The following CAP2 variants were observed in gnomAD, a reference collection of about 807,000 sequenced individuals.
CAP2 encodes the protein adenylyl cyclase-associated protein 2.
Under a neutral mutation model 57.7 loss-of-function variants are expected in CAP2, and 24 were observed. The observed-to-expected ratio is 0.42, with a 90% CI of 0.30 to 0.58. The LOEUF (loss-of-function observed/expected upper bound fraction) is 0.58. Ranked by LOEUF, CAP2 falls within the 20% of genes least tolerant of loss-of-function variation. CAP2 has a pLI of 0.22. For missense variants in CAP2, 501 were observed against 590.3 expected, an observed-to-expected ratio of 0.85 and a Z score of 1.57; for synonymous variants, 194 against 207.2, an observed-to-expected ratio of 0.94 and a Z score of 0.55.
At chr6:17,461,737 G>A (rs12213942) in intron 3 of CAP2, among the ~76,000 whole-genome samples, 92,043 of 150,210 alleles carry the variant, frequency 0.61, 28,951 homozygotes, top group East Asian at 0.86. Context: ...TCACACCTGT[G>A]ATCCCAGCAC....
chr6:17,548,849 GA>G (rs2113709112), intron 11 of CAP2, among the ~76,000 whole-genome samples: 1 of 152,108 alleles, frequency 6.6e-6, no homozygotes, highest in Admixed American at 6.6e-5. Flanking sequence ...ATCCATGTGG[GA>G]AAAAAATACA....
chr6:17,469,949 T>C (rs565702245), intron 4 of CAP2, among the ~76,000 whole-genome samples: 1 of 152,340 alleles, frequency 6.6e-6, no homozygotes, highest in South Asian at 2.1e-4. Context: ...ATCTTAGGAC[T>C]TAAGCTAATT....
At chr6:17,426,865 G>T (rs1432740604) in intron 3 of CAP2, among the ~76,000 whole-genome samples, 175 bp downstream of exon 3, 2 of 152,190 alleles carry the variant, frequency 1.3e-5, no homozygotes, top group African/African-American at 4.8e-5. Context: ...TTCCTGCAAG[G>T]CCTATGGATA....
chr6:17,458,028 G>A (rs1255316885), intron 3 of CAP2, among the ~76,000 whole-genome samples: 1 of 152,140 alleles, frequency 6.6e-6, no homozygotes, highest in East Asian at 1.9e-4. Flanking sequence ...TTTATTTATA[G>A]CCAAGCTGTG....
intron 3 of CAP2, among the ~76,000 whole-genome samples, chr6:17,432,965 CCCCT>C (rs1373264557): frequency 7.6e-5 from 11 of 144,600 alleles, no homozygotes; most frequent in African/African-American, 2.9e-4. Context: ...CCCTCTCTCC[CCCCT>C]CCCTCCCTCT....
At chr6:17,418,899 T>C (rs1482765606) in intron 1 of CAP2, among the ~76,000 whole-genome samples, 1 of 152,128 alleles carries the variant, frequency 6.6e-6, no homozygotes, top group Non-Finnish European at 1.5e-5. Flanking sequence ...TCAATTGCGA[T>C]GGAAGCACAA....
intron 2 of CAP2, among the ~76,000 whole-genome samples, chr6:17,424,312 A>G (rs1035536628): frequency 4.6e-5 from 7 of 152,170 alleles, no homozygotes; most frequent in Non-Finnish European, 8.8e-5. Context: ...AGGCAGGAAA[A>G]TGGCGTGAAC....
chr6:17,463,442 A>G (rs1267602259), intron 4 of CAP2, among the ~76,000 whole-genome samples: 2 of 152,208 alleles, frequency 1.3e-5, no homozygotes, highest in Non-Finnish European at 2.9e-5. Flanking sequence ...CAACCTTTTT[A>G]TAATCAAGGA....
At chr6:17,397,627 G>A (rs1334478828) in intron 1 of CAP2, among the ~76,000 whole-genome samples, 7 of 151,234 alleles carry the variant, frequency 4.6e-5, no homozygotes, top group Admixed American at 2.6e-4. Flanking sequence ...CCCGGGAGGC[G>A]GGGCTTGCAG....
rs763519982 is a variant in CAP2, at chr6:17,468,420, G to A, written c.300+5347G>A. 1.4e-3 allele frequency among the ~76,000 whole-genome samples: 211 copies of A among 152,300 alleles called. 1 individual carries two copies. The highest frequency in any genetic ancestry group is 2.7e-3 in the Non-Finnish European group (185 of 68,030). ...ACAAAACAGTATTCTTACCATGTGC[G>A]CTGCATTCTGACATTTTTCTTCTAG... On this transcript the variant is annotated intron_variant, in intron 4 of 12. Transcript: ENST00000229922.
intron 7 of CAP2, among the ~76,000 whole-genome samples, chr6:17,535,475 A>C (rs1275529479): frequency 6.6e-6 from 1 of 151,900 alleles, no homozygotes. Flanking sequence ...GGGTTTCGCC[A>C]TGTTGGTCAG....
intron 3 of CAP2, among the ~76,000 whole-genome samples, chr6:17,429,048 A>G (rs1759660670): frequency 6.6e-6 from 1 of 152,144 alleles, no homozygotes; most frequent in South Asian, 2.1e-4. Context: ...TTCTGGAAAA[A>G]CCTGGGCACT....
chr6:17,418,781 C>A (rs1759354785), intron 1 of CAP2, among the ~76,000 whole-genome samples: 1 of 152,084 alleles, frequency 6.6e-6, no homozygotes, highest in Non-Finnish European at 1.5e-5. Flanking sequence ...ATTTGAGGGG[C>A]TTTCATCATT....
At chr6:17,518,262 T>C (rs1762314808) in intron 7 of CAP2, among the ~76,000 whole-genome samples, 1 of 152,232 alleles carries the variant, frequency 6.6e-6, no homozygotes, top group Non-Finnish European at 1.5e-5. Flanking sequence ...CAATTATATT[T>C]TTGAATTTTA....
intron 1 of CAP2, among the ~76,000 whole-genome samples, chr6:17,401,600 G>A (rs6921032): frequency 0.047 from 7,122 of 152,262 alleles, 440 homozygotes; most frequent in African/African-American, 0.14. Flanking sequence ...AGTTTCAACT[G>A]ATTGGTTACT....
chr6:17,396,981 C>G (rs1758680840), intron 1 of CAP2, among the ~76,000 whole-genome samples: 1 of 152,134 alleles, frequency 6.6e-6, no homozygotes, highest in Non-Finnish European at 1.5e-5. Flanking sequence ...TATTGTAAAA[C>G]AGTTTTATCA....
chr6:17,430,688 G>A (rs1021671116), intron 3 of CAP2, among the ~76,000 whole-genome samples: 5 of 152,008 alleles, frequency 3.3e-5, no homozygotes, highest in Admixed American at 6.5e-5. Context: ...ACAGCCGCAC[G>A]CCACTACGTC....
chr6:17,536,080 A>G (rs890889930), intron 7 of CAP2, among the ~76,000 whole-genome samples: 2 of 152,178 alleles, frequency 1.3e-5, no homozygotes, highest in Non-Finnish European at 2.9e-5. Flanking sequence ...CAGCCACCCA[A>G]AGTGCTGGGA....
chr6:17,441,067 T>A lies in CAP2; in HGVS notation c.222+14377T>A, dbSNP rs191784029. On this transcript the variant is annotated intron_variant, in intron 3 of 12. Coordinates refer to ENST00000229922, the MANE Select transcript of CAP2 (RefSeq NM_006366.3). ...ATTTTTAAGCAAGAAGATTGTTGAA[T>A]TTTTTTCAAAGGTCTTTTTCAGCAT... Among the ~76,000 whole-genome samples the A allele has an allele frequency of 8.0e-3, 1,214 of 151,630 alleles. 67 individuals are homozygous for A. The highest frequency in any genetic ancestry group is 0.028 in the African/African-American group (1,167 of 40,968).
Sources: gnomAD v4.1 joint callset for allele counts (sites outside exome capture counted in the v4.1 genomes callset) on GRCh38, gnomAD v4.1.1 for gene constraint, MANE v1.5 for transcripts, NCBI Gene and HGNC (gene_info 2026-07-23, HGNC 2026-07-21) for gene names.